Variants in UBR4 observed in about 807,000 individuals in gnomAD.
UBR4 encodes E3 ubiquitin-protein ligase UBR4.
A neutral mutation model predicts 575.6 loss-of-function variants in UBR4; 124 were observed. That is an observed-to-expected ratio of 0.22 (90% CI 0.19 to 0.25). UBR4 has a LOEUF of 0.25. Ranked by LOEUF, UBR4 falls within the 10% of genes least tolerant of loss-of-function variation. The pLI is 1.00. For synonymous variants in UBR4, 2,455 were observed against 2,473.7 expected (o/e 0.99, Z 0.22); for missense variants, 4,818 against 6,478.8 (o/e 0.74, Z 8.80).
Position 19,157,688 on chromosome 1 carries a change from A to C in UBR4, c.5760+127T>G, listed in dbSNP as rs1231112766. 1 of 1,209,962 alleles carries C rather than the reference A, an allele frequency of 8.3e-7. No homozygotes were observed. Among genetic ancestry groups the C allele is most frequent in the African/African-American group, 1.5e-5 (1 of 65,496 alleles). The allele number at this position is 1,209,962 out of a possible 1,614,324, so 75.0% of individuals were successfully genotyped here. ...AAAAGCTCAACAAGATCTGTCCCTGAAGCATTCTTAGAACGCAGTGGACTT... is the reference window on the plus strand; with the variant it reads ...AAAAGCTCAACAAGATCTGTCCCTGCAGCATTCTTAGAACGCAGTGGACTT... On this transcript the variant is annotated intron_variant, in intron 40 of 105. Transcript: ENST00000375254. This position sits in a 1 kb window ranked among gnomAD's most constrained non-coding sequence, Gnocchi z 4.4.
At chr1:19,201,919 T>TGATACTATCTACC in intron 1 of UBR4, 104 bp from the exon 2 acceptor site, 3 of 960,126 alleles carry the variant, frequency 3.1e-6, no homozygotes, top group Non-Finnish European at 3.1e-6. Context: ...ACCTGGTAGA[T>TGATACTATCTACC]AGTATCATCA....
Position 19,144,850 on chromosome 1 carries a change from C to T in UBR4, c.8003G>A (p.Cys2668Tyr). 1 of 1,614,144 alleles carries T rather than the reference C, an allele frequency of 6.2e-7. No homozygotes were observed. Among genetic ancestry groups the T allele is most frequent in the Non-Finnish European group, 8.5e-7 (1 of 1,180,014 alleles). ...GTTAATACAATCCAGCTCACAGGTA[C>T]AGTAGCCATGGATGATGTCCACCAG... ...NALVDIIHGY[C>Y]TCELDCINTA... The change falls in exon 54 of 106, where the codon TGT (cysteine) becomes TAT (tyrosine). Residue 2668 changes from cysteine (C) to tyrosine (Y), a missense_variant. Cys to Tyr is a radical substitution (Grantham distance 194, BLOSUM62 -2). Around this residue, in one of 29 missense-constraint regions of UBR4, gnomAD observed 340 missense variants for 375.4 expected, o/e 0.91. Transcript: ENST00000375254.
chr1:19,157,005 A>G lies in UBR4; in HGVS notation c.5761-80T>C. 3 of 1,499,546 alleles carry G rather than the reference A, an allele frequency of 2.0e-6. No individual in the cohort carries two copies. Among genetic ancestry groups the G allele is most frequent in the Non-Finnish European group, 2.7e-6 (3 of 1,110,082 alleles). 92.9% of individuals were successfully genotyped at this position (1,499,546 alleles called of 1,614,324 possible). On this transcript the variant is annotated intron_variant, in intron 40 of 105. Coordinates refer to ENST00000375254, the MANE Select transcript of UBR4 (RefSeq NM_020765.3). This position sits in a 1 kb window ranked among gnomAD's most constrained non-coding sequence, Gnocchi z 4.4. ...AAAGCAAGTAACAAAAACTCTTTCA[A>G]TAGGGATAACAGGTTGCACACTTTT...
chr1:19,190,312 A>AAAAAAAAAAAATAT lies in UBR4; in HGVS notation c.1394+1875_1394+1876insATATTTTTTTTTTT. Among the ~76,000 whole-genome samples the AAAAAAAAAAAATAT allele has an allele frequency of 4.3e-3, 346 of 79,772 alleles. 3 individuals carry two copies. Among genetic ancestry groups the AAAAAAAAAAAATAT allele is most frequent in the Non-Finnish European group, 6.6e-3 (288 of 43,580 alleles). 52.3% of individuals were successfully genotyped at this position (79,772 alleles called of 152,430 possible). ...TGCCTCAAAAAAAAAAAAAAAAAAAAATATATATATATATATATTTGTATG... is the reference window on the plus strand; with the variant it reads ...TGCCTCAAAAAAAAAAAAAAAAAAAAAAAAAAAAAAATATATATATATATATATATATTTGTATG... On this transcript the variant is annotated intron_variant, in intron 11 of 105. Transcript: ENST00000375254.
chr1:19,156,383 G>A lies in UBR4; in HGVS notation c.5960C>T (p.Ser1987Leu), dbSNP rs752062757. The change falls in exon 42 of 106, where the codon TCG (serine) becomes TTG (leucine). Residue 1987 changes from serine (S) to leucine (L), a missense_variant. Around this residue, in one of 29 missense-constraint regions of UBR4, gnomAD observed 461 missense variants for 606.9 expected, o/e 0.76. Coordinates refer to ENST00000375254, the MANE Select transcript of UBR4 (RefSeq NM_020765.3). ...VLTFSSSGSV[S>L]DHLVLHPQLA... ...CTGAGGGTGCAAAACCAAGTGATCCGAAACAGAGCCTGAGCTACTAAAGGT... is the reference window on the plus strand; with the variant it reads ...CTGAGGGTGCAAAACCAAGTGATCCAAAACAGAGCCTGAGCTACTAAAGGT... 2.2e-5 allele frequency: 35 copies of A among 1,614,046 alleles called. No homozygotes were observed. Among genetic ancestry groups the A allele is most frequent in the Non-Finnish European group, 2.7e-5 (32 of 1,180,028 alleles).
chr1:19,104,045 G>A (rs1247843420), intron 87 of UBR4, 39 bp downstream of exon 87: 25 of 1,606,026 alleles, frequency 1.6e-5, no homozygotes, highest in Non-Finnish European at 2.1e-5. Context: ...GCCCCAGAAG[G>A]GACAGTGCCT....
At chr1:19,138,207 C>A in intron 59 of UBR4, 26 bp from the exon 60 acceptor site, 1 of 1,477,716 alleles carries the variant, frequency 6.8e-7, no homozygotes, top group Non-Finnish European at 9.1e-7. Context: ...TTAAAAAGCA[C>A]AAATCAACTC....
At position 19,093,054 on chromosome 1, in the gene UBR4, T is replaced by C. The variant is rs2077682446; in HGVS notation, c.14112-136A>G. Reference sequence around the variant, plus strand: ...TCTCCGAGTGTCATAAAGAATCACATAGAACCACCCAGCTCAGCTGAAAAG... The same window carrying C: ...TCTCCGAGTGTCATAAAGAATCACACAGAACCACCCAGCTCAGCTGAAAAG... On this transcript the variant is annotated intron_variant, in intron 96 of 105. Transcript: ENST00000375254. The surrounding 1 kb of genome is among the most constrained non-coding windows in gnomAD (Gnocchi z 4.8). 6.7e-6 allele frequency: 6 copies of C among 892,110 alleles called. No homozygotes were observed. The highest frequency in any genetic ancestry group is 2.6e-5 in the East Asian group (1 of 37,796). The allele number at this position is 892,110 out of a possible 1,614,324, so 55.3% of individuals were successfully genotyped here.
At chr1:19,156,963 G>A in intron 40 of UBR4, 38 bp from the exon 41 acceptor site, 1 of 1,600,596 alleles carries the variant, frequency 6.2e-7, no homozygotes, top group South Asian at 1.1e-5. Flanking sequence ...CCTACTCCTG[G>A]TCCTCTCAGA....
intron 93 of UBR4, 79 bp downstream of exon 93, chr1:19,095,466 C>T (rs2077941449): frequency 7.3e-7 from 1 of 1,373,582 alleles, no homozygotes; most frequent in Non-Finnish European, 1.0e-6. Flanking sequence ...TCCATTTCAT[C>T]TGAGCCCAGA....
chr1:19,135,028 A>G (rs779151663), intron 60 of UBR4, among the ~76,000 whole-genome samples: 15 of 152,050 alleles, frequency 9.9e-5, no homozygotes, highest in Non-Finnish European at 2.2e-4. Flanking sequence ...TTATGAAGAC[A>G]TTTTGTCTTT....
intron 48 of UBR4, chr1:19,151,282 T>C (rs2085660847): frequency 2.8e-6 from 1 of 362,048 alleles, no homozygotes; most frequent in South Asian, 3.1e-5. Context: ...CAACCATCTC[T>C]CAGCCATGTG....
At chr1:19,080,580 C>T (rs1283889116) in intron 103 of UBR4, 1 of 152,226 alleles carries the variant, frequency 6.6e-6, no homozygotes. Flanking sequence ...AGAAATGAAG[C>T]AGAGGCACAT....
At chr1:19,149,919 G>A (rs2085420838) in intron 49 of UBR4, 2 of 642,454 alleles carry the variant, frequency 3.1e-6, no homozygotes, top group South Asian at 3.9e-5. Flanking sequence ...AGAAAGGAAG[G>A]GAGGGAGGAG....
chr1:19,143,278 G>GA (rs1344159909), intron 55 of UBR4, among the ~76,000 whole-genome samples: 4 of 84,196 alleles, frequency 4.8e-5, no homozygotes, highest in Admixed American at 2.4e-4. Flanking sequence ...AAGAAAGAAA[G>GA]AAAGAAAGAA....
intron 1 of UBR4, 97 bp downstream of exon 1, chr1:19,209,976 G>T (rs1160272913): frequency 1.5e-6 from 2 of 1,359,960 alleles, no homozygotes; most frequent in Non-Finnish European, 1.9e-6. Context: ...GGATCCTCAA[G>T]GGGGCAGGGG....
intron 59 of UBR4, among the ~76,000 whole-genome samples, 199 bp downstream of exon 59, chr1:19,138,882 CCT>C (rs2083495139): frequency 2.0e-5 from 3 of 152,290 alleles, no homozygotes; most frequent in South Asian, 2.1e-4. Flanking sequence ...ATACTAACCC[CCT>C]GAGCTTAAGC....
Position 19,117,954 on chromosome 1 carries a change from G to A in UBR4, c.10542-44C>T. On this transcript the variant is annotated intron_variant, in intron 71 of 105. Coordinates refer to ENST00000375254, the MANE Select transcript of UBR4 (RefSeq NM_020765.3). This position sits in a 1 kb window ranked among gnomAD's most constrained non-coding sequence, Gnocchi z 4.0. ...TTAGCATGAACACATTTTCATCTTA[G>A]GAAGCACTGAGTTTCACAAAAAAAT... The A allele has an allele frequency of 6.3e-7, 1 of 1,583,786 alleles. No homozygotes were observed. Among genetic ancestry groups the A allele is most frequent in the Admixed American group, 1.7e-5 (1 of 59,878 alleles).
intron 66 of UBR4, among the ~76,000 whole-genome samples, chr1:19,122,265 C>CT (rs926299610): frequency 1.3e-5 from 2 of 152,190 alleles, no homozygotes; most frequent in Non-Finnish European, 2.9e-5. Context: ...TTTCAGGAAC[C>CT]TTCAGACTAC....
Sources: gnomAD v4.1 joint callset for allele counts (sites outside exome capture counted in the v4.1 genomes callset) on GRCh38, gnomAD v4.1.1 for gene constraint, gnomAD v4.1.1 regional missense constraint, Gnocchi (gnomAD v3.1) non-coding constraint, MANE v1.5 for transcripts, NCBI Gene and HGNC (gene_info 2026-07-23, HGNC 2026-07-21) for gene names.